GRIA1: variants seen among roughly 807,000 people sequenced by gnomAD.
GRIA1 encodes the protein glutamate ionotropic receptor AMPA type subunit 1.
A neutral mutation model predicts 99.2 loss-of-function variants in GRIA1; 31 were observed. The ratio of observed to expected loss-of-function variants is 0.31; its 90% CI spans 0.23 to 0.42. The LOEUF is 0.42. Among genes scored for constraint, GRIA1 ranks in the 10% least tolerant of loss-of-function variants. The pLI is 1.00. For synonymous variants in GRIA1, 438 were observed against 432.4 expected, an observed-to-expected ratio of 1.01 and a Z score of -0.16; for missense variants, 782 against 1,157.5, an observed-to-expected ratio of 0.68 and a Z score of 4.71.
intron 13 of GRIA1, among the ~76,000 whole-genome samples, chr5:153,779,457 G>A (rs1764491696): frequency 6.6e-6 from 1 of 152,222 alleles, no homozygotes; most frequent in African/African-American, 2.4e-5. Context: ...CTGTCTTGAA[G>A]CACTAGGCTA....
intron 2 of GRIA1, among the ~76,000 whole-genome samples, chr5:153,572,288 G>C (rs1404942324): frequency 6.6e-6 from 1 of 152,118 alleles, no homozygotes; most frequent in Non-Finnish European, 1.5e-5. Flanking sequence ...CAGGAAGCTG[G>C]AATCTGATGG....
At chr5:153,740,372 G>A (rs1302931009) in intron 11 of GRIA1, among the ~76,000 whole-genome samples, 1 of 152,234 alleles carries the variant, frequency 6.6e-6, no homozygotes, top group Non-Finnish European at 1.5e-5. Context: ...CAGACTGCAT[G>A]CATGAGGTCA....
intron 2 of GRIA1, among the ~76,000 whole-genome samples, chr5:153,526,046 G>A (rs912534175): frequency 2.6e-5 from 4 of 152,200 alleles, no homozygotes; most frequent in Non-Finnish European, 5.9e-5. Context: ...GTGGTGAAAA[G>A]GTCCTGGGTT....
chr5:153,698,920 C>T lies in GRIA1; in HGVS notation c.1299C>T (p.Asp433=), dbSNP rs1482242941. Residue 433 remains aspartate (D), a synonymous_variant, in exon 10 of 16, where the codon GAC becomes GAT. Transcript: ENST00000285900. ...KKNANQFEGN[D]RYEGYCVELA... is the part of the protein sequence containing the mutation. The stretch of plus-strand genomic sequence containing the variant: ...ACGCCAATCAGTTTGAGGGCAATGA[C>T]CGTTACGAGGGCTACTGTGTAGAGC... 3 of 1,613,638 alleles carry T rather than the reference C, an allele frequency of 1.9e-6. No individual in the cohort carries two copies. The African/African-American group carries it at 4.0e-5, about 22-fold the overall frequency.
At chr5:153,524,485 T>A (rs539524870) in intron 2 of GRIA1, among the ~76,000 whole-genome samples, 1 of 152,286 alleles carries the variant, frequency 6.6e-6, no homozygotes, top group East Asian at 1.9e-4. Flanking sequence ...GTAAGACAAC[T>A]CATCTATAAG....
intron 13 of GRIA1, among the ~76,000 whole-genome samples, chr5:153,782,266 T>C (rs1764683280): frequency 6.6e-6 from 1 of 152,220 alleles, no homozygotes. Flanking sequence ...AGCGAGTAAG[T>C]GGCAGAGCCA....
chr5:153,730,964 G>C (rs1364892582), intron 11 of GRIA1, among the ~76,000 whole-genome samples: 4 of 151,970 alleles, frequency 2.6e-5, no homozygotes, highest in Non-Finnish European at 5.9e-5. Flanking sequence ...TAGCACATAG[G>C]ACTTTGTCAG....
At chr5:153,731,176 C>T (rs1018653417) in intron 11 of GRIA1, among the ~76,000 whole-genome samples, 1 of 151,950 alleles carries the variant, frequency 6.6e-6, no homozygotes, top group Non-Finnish European at 1.5e-5. Flanking sequence ...AATTTAGCCT[C>T]ATCTGCTTCT....
At position 153,662,519 on chromosome 5, in the gene GRIA1, C is replaced by T. The variant is rs545010904; in HGVS notation, c.699+6647C>T. Among the ~76,000 whole-genome samples the T allele has an allele frequency of 1.6e-4, 25 of 152,236 alleles. No individual in the cohort carries two copies. In the South Asian group the frequency reaches 5.2e-3, roughly 32 times the overall value. ...CAGCTGTGGGGTGTCTGGGAAGGCT[C>T]GTGAGGCTGCATCTACAAGGCCAGC... On this transcript the variant is annotated intron_variant, in intron 5 of 15. Coordinates refer to ENST00000285900, the MANE Select transcript of GRIA1 (RefSeq NM_000827.4).
chr5:153,650,253 T>C, intron 3 of GRIA1, 77 bp from the exon 4 acceptor site: 3 of 1,277,434 alleles, frequency 2.3e-6, no homozygotes, highest in Non-Finnish European at 3.3e-6. Flanking sequence ...CCAGGGGAGG[T>C]AGGTGCCTGA....
chr5:153,720,025 A>C (rs962320880), intron 11 of GRIA1, among the ~76,000 whole-genome samples: 4 of 152,194 alleles, frequency 2.6e-5, no homozygotes, highest in African/African-American at 9.7e-5. Context: ...TTTTGTGTCC[A>C]CAATAGACAC....
At chr5:153,738,720 C>CTTTT (rs55874747) in intron 11 of GRIA1, among the ~76,000 whole-genome samples, 2 of 102,356 alleles carry the variant, frequency 2.0e-5, no homozygotes, top group African/African-American at 8.1e-5. Context: ...TCCATACCTT[C>CTTTT]TTTTTTTTTT....
intron 2 of GRIA1, among the ~76,000 whole-genome samples, chr5:153,575,918 C>T (rs1419746197): frequency 6.6e-6 from 1 of 152,182 alleles, no homozygotes; most frequent in African/African-American, 2.4e-5. Context: ...GGTTCTTAGA[C>T]ACAACCCTAG....
chr5:153,662,860 T>C (rs1419684574), intron 5 of GRIA1, among the ~76,000 whole-genome samples: 1 of 152,148 alleles, frequency 6.6e-6, no homozygotes, highest in East Asian at 1.9e-4. Context: ...AGCTCAGAAG[T>C]GCTTCCTACT....
intron 5 of GRIA1, among the ~76,000 whole-genome samples, chr5:153,667,291 G>T (rs550696807): frequency 1.1e-4 from 16 of 152,284 alleles, no homozygotes; most frequent in African/African-American, 3.8e-4. Flanking sequence ...CTTCTGACTG[G>T]TGTGGTGTCA....
intron 11 of GRIA1, among the ~76,000 whole-genome samples, chr5:153,726,194 A>C (rs1760511699): frequency 6.6e-6 from 1 of 151,638 alleles, no homozygotes; most frequent in Non-Finnish European, 1.5e-5. Context: ...GAAACCAACG[A>C]GAACAAAGAC....
chr5:153,693,504 A>C (rs1757901795), intron 8 of GRIA1, among the ~76,000 whole-genome samples: 1 of 152,172 alleles, frequency 6.6e-6, no homozygotes, highest in African/African-American at 2.4e-5. Context: ...TGGAGATACC[A>C]ATTTCTGAAT....
intron 11 of GRIA1, among the ~76,000 whole-genome samples, chr5:153,742,099 G>A (rs1461515653): frequency 6.6e-6 from 1 of 150,970 alleles, no homozygotes; most frequent in Non-Finnish European, 1.5e-5. Flanking sequence ...TAATAGCTAG[G>A]AAAGATACGA....
chr5:153,519,001 A>T (rs2113359824), intron 2 of GRIA1, among the ~76,000 whole-genome samples: 1 of 152,318 alleles, frequency 6.6e-6, no homozygotes, highest in South Asian at 2.1e-4. Flanking sequence ...ACGGTGGCTT[A>T]CGCCTGTAAT....
Sources: allele counts gnomAD v4.1 joint callset (sites outside exome capture counted in the v4.1 genomes callset), GRCh38; gene constraint gnomAD v4.1.1; transcripts MANE v1.5; gene names NCBI Gene and HGNC (gene_info 2026-07-23, HGNC 2026-07-21).